The following MAPK10 variants were observed in gnomAD, a reference collection of about 807,000 sequenced individuals.
MAPK10 encodes the protein JNK3 alpha protein kinase.
A neutral mutation model predicts 59.3 loss-of-function variants in MAPK10; 25 were observed. The observed-to-expected ratio is 0.42, with a 90% confidence interval of 0.31 to 0.59. The LOEUF is 0.59. Ranked by LOEUF, MAPK10 falls within the 20% of genes least tolerant of loss-of-function variation. MAPK10 has a pLI of 0.15. For synonymous variants in MAPK10, 190 were observed against 200.5 expected, an observed-to-expected ratio of 0.95 and a Z score of 0.44; for missense variants, 351 against 568.9, an observed-to-expected ratio of 0.62 and a Z score of 3.90.
At chr4:86,135,751 C>T (rs979206860) in intron 4 of MAPK10, among the ~76,000 whole-genome samples, 1 of 151,990 alleles carries the variant, frequency 6.6e-6, no homozygotes, top group African/African-American at 2.4e-5. Flanking sequence ...TATGGGAGGA[C>T]ATTCAAACAA....
intron 1 of MAPK10, among the ~76,000 whole-genome samples, chr4:86,555,880 T>C (rs1192946549): frequency 6.6e-6 from 1 of 152,198 alleles, no homozygotes; most frequent in Non-Finnish European, 1.5e-5. Flanking sequence ...AATGTGACCA[T>C]TTGACTAGAT....
chr4:86,243,762 ATC>A (rs992047741), intron 2 of MAPK10, among the ~76,000 whole-genome samples: 3 of 135,284 alleles, frequency 2.2e-5, no homozygotes, highest in African/African-American at 5.8e-5. Flanking sequence ...AGTAGTCTGA[ATC>A]TCTCTTTCCT....
chr4:86,079,115 A>G (rs879499239), intron 9 of MAPK10, among the ~76,000 whole-genome samples: 2 of 152,212 alleles, frequency 1.3e-5, no homozygotes, highest in Non-Finnish European at 2.9e-5. Flanking sequence ...GACTTAATAA[A>G]CAATTGTAAC....
intron 1 of MAPK10, among the ~76,000 whole-genome samples, chr4:86,523,828 A>C (rs1237383164): frequency 6.6e-6 from 1 of 152,176 alleles, no homozygotes; most frequent in Non-Finnish European, 1.5e-5. Flanking sequence ...CAAATTCAAA[A>C]ATGTTTACAT....
chr4:86,031,773 C>T (rs1461426147), intron 11 of MAPK10: 1 of 200,656 alleles, frequency 5.0e-6, no homozygotes, highest in African/African-American at 2.3e-5. Flanking sequence ...TACAATGGCC[C>T]AGAAGCTACT....
intron 2 of MAPK10, among the ~76,000 whole-genome samples, chr4:86,271,229 T>C (rs1211223313): frequency 1.3e-5 from 2 of 151,996 alleles, no homozygotes; most frequent in East Asian, 3.9e-4. Context: ...TGTGATATGG[T>C]ATTTCATTGT....
intron 1 of MAPK10, among the ~76,000 whole-genome samples, chr4:86,468,054 T>C (rs1195940788): frequency 6.6e-6 from 1 of 152,182 alleles, no homozygotes; most frequent in African/African-American, 2.4e-5. Flanking sequence ...AACCAGAAAC[T>C]TTGCTTTAGC....
intron 2 of MAPK10, among the ~76,000 whole-genome samples, chr4:86,259,612 T>C (rs1359288693): frequency 3.3e-5 from 5 of 152,144 alleles, no homozygotes; most frequent in African/African-American, 9.6e-5. Flanking sequence ...GTATTTATGA[T>C]AGATCAAAGA....
intron 1 of MAPK10, among the ~76,000 whole-genome samples, chr4:86,487,362 A>AGAGAGT (rs1554272299): frequency 2.7e-5 from 4 of 148,718 alleles, no homozygotes; most frequent in African/African-American, 9.9e-5. Flanking sequence ...AGAGAGAGAG[A>AGAGAGT]GTGTGTGTGT....
chr4:86,146,915 G>A (rs1312917794), intron 4 of MAPK10, among the ~76,000 whole-genome samples: 5 of 152,122 alleles, frequency 3.3e-5, no homozygotes, highest in Non-Finnish European at 1.5e-5. Flanking sequence ...TAGATGGCAG[G>A]ATCTTTGGTC....
intron 2 of MAPK10, among the ~76,000 whole-genome samples, chr4:86,207,013 A>G (rs375027728): frequency 3.7e-4 from 56 of 151,806 alleles, no homozygotes; most frequent in South Asian, 6.2e-4. Flanking sequence ...TCACTCTGAT[A>G]GTAGTTTCTT....
chr4:86,462,894 C>T (rs1751870040), intron 1 of MAPK10, among the ~76,000 whole-genome samples: 1 of 152,082 alleles, frequency 6.6e-6, no homozygotes, highest in Non-Finnish European at 1.5e-5. Flanking sequence ...AGACAAAGTT[C>T]CTGCCAAGGT....
intron 4 of MAPK10, chr4:86,117,811 A>T (rs2058508357): frequency 6.6e-6 from 1 of 152,334 alleles, no homozygotes; most frequent in African/African-American, 2.4e-5. Flanking sequence ...GTGGAAGCAG[A>T]GTCCCCAATG....
At chr4:86,042,150 G>A (rs775821412) in intron 11 of MAPK10, among the ~76,000 whole-genome samples, 12 of 152,210 alleles carry the variant, frequency 7.9e-5, no homozygotes, top group Non-Finnish European at 1.5e-4. Flanking sequence ...AAAAGAATGA[G>A]TTCATGTCCT....
At chr4:86,538,218 C>T (rs943066223) in intron 1 of MAPK10, among the ~76,000 whole-genome samples, 1 of 151,926 alleles carries the variant, frequency 6.6e-6, no homozygotes, top group East Asian at 1.9e-4. Context: ...ACAATCTTGG[C>T]TCACCGCAAC....
At chr4:86,542,096 A>C (rs1190752338) in intron 1 of MAPK10, among the ~76,000 whole-genome samples, 3 of 152,148 alleles carry the variant, frequency 2.0e-5, no homozygotes, top group Admixed American at 1.3e-4. Flanking sequence ...TATTCTCCAT[A>C]ATGAGTATGC....
chr4:86,363,112 G>A (rs1342338510), upstream of MAPK10, among the ~76,000 whole-genome samples: 2 of 152,064 alleles, frequency 1.3e-5, no homozygotes, highest in Non-Finnish European at 2.9e-5. Context: ...TTCCACATCT[G>A]TAGATTCAAA....
intron 1 of MAPK10, among the ~76,000 whole-genome samples, chr4:86,547,060 C>CA (rs1019162488): frequency 2.8e-4 from 43 of 150,878 alleles, no homozygotes; most frequent in Non-Finnish European, 1.6e-4. Context: ...TAAAAACAAA[C>CA]AAAAAAAAAG....
intron 4 of MAPK10, among the ~76,000 whole-genome samples, chr4:86,137,913 G>GCAAATAAACTAGAAAAT: frequency 6.8e-6 from 1 of 146,568 alleles, no homozygotes; most frequent in Admixed American, 6.8e-5. Context: ...ACACCTCTAC[G>GCAAATAAACTAGAAAAT]CAAATAAACT....
Sources: gnomAD v4.1 joint callset for allele counts (sites outside exome capture counted in the v4.1 genomes callset) on GRCh38, gnomAD v4.1.1 for gene constraint, MANE v1.5 for transcripts, NCBI Gene and HGNC (gene_info 2026-07-23, HGNC 2026-07-21) for gene names.